The following SP140L variants were observed in gnomAD, a reference collection of about 807,000 sequenced individuals.
SP140L encodes SP140 like nuclear body protein.
Under a neutral mutation model 84.3 loss-of-function variants are expected in SP140L, and 64 were observed. The observed-to-expected ratio is 0.76, with a 90% CI of 0.62 to 0.94. The LOEUF (loss-of-function observed/expected upper bound fraction) is 0.94. Among genes scored for constraint, SP140L ranks in the 40% least tolerant of loss-of-function variants. The probability of loss-of-function intolerance (pLI) is 0.00; values close to 1 mark genes in which losing one functional copy is unlikely to be tolerated. For synonymous variants in SP140L, 242 were observed against 236.9 expected (o/e 1.02, Z -0.20); for missense variants, 628 against 692.5 (o/e 0.91, Z 1.05).
At position 230,402,976 on chromosome 2, in the gene SP140L, TA is replaced by T; in HGVS notation, c.*81del. On this transcript the variant is annotated 3_prime_UTR_variant, in exon 19 of 19. Coordinates refer to ENST00000415673, the MANE Select transcript of SP140L (RefSeq NM_138402.6). ...CTTCAAACTGAGAGCACTTGGGAAA[TA>T]GCACATGCAGGGAGAGGCTTTTCTC... 1 of 1,154,812 alleles carries T rather than the reference TA, an allele frequency of 8.7e-7. No individual in the cohort carries two copies. Among genetic ancestry groups the T allele is most frequent in the Non-Finnish European group, 1.3e-6 (1 of 799,090 alleles). The allele number at this position is 1,154,812 out of a possible 1,614,324, so 71.5% of individuals were successfully genotyped here.
Position 230,327,245 on chromosome 2 carries a change from C to T in SP140L, c.-25C>T. 1 of 1,605,986 alleles carries T rather than the reference C, an allele frequency of 6.2e-7. No individual in the cohort carries two copies. Among genetic ancestry groups the T allele is most frequent in the Non-Finnish European group, 8.5e-7 (1 of 1,176,182 alleles). ...GGAGCTCATAGGCCAGGCTCTGACA[C>T]CCAGGCAGGGCCTAGGGTGGGACGA... On this transcript the variant is annotated 5_prime_UTR_variant, in exon 1 of 19. Coordinates refer to ENST00000415673, the MANE Select transcript of SP140L (RefSeq NM_138402.6).
At chr2:230,360,480 A>G (rs1246765813) in intron 4 of SP140L, among the ~76,000 whole-genome samples, 1 of 152,216 alleles carries the variant, frequency 6.6e-6, no homozygotes, top group Admixed American at 6.5e-5. Context: ...TTTTTGTAAC[A>G]AGTCATTCAA....
At chr2:230,352,033 C>T (rs1039616566) in intron 2 of SP140L, among the ~76,000 whole-genome samples, 2 of 152,108 alleles carry the variant, frequency 1.3e-5, no homozygotes, top group Admixed American at 6.5e-5. Context: ...AAAATTACTA[C>T]TTTTTTTCTA....
At chr2:230,364,949 T>C (rs2060822752) in intron 5 of SP140L, among the ~76,000 whole-genome samples, 1 of 152,108 alleles carries the variant, frequency 6.6e-6, no homozygotes, top group Admixed American at 6.5e-5. Context: ...CTTTTAAGAT[T>C]TGTGTGTTGA....
intron 1 of SP140L, 76 bp from the exon 2 acceptor site, chr2:230,328,681 C>T (rs2059644711): frequency 5.2e-6 from 8 of 1,550,942 alleles, no homozygotes; most frequent in African/African-American, 2.7e-5. Context: ...GTGCCTAAAC[C>T]TTAAAAAGTG....
chr2:230,336,010 C>G (rs1291928788), intron 2 of SP140L, among the ~76,000 whole-genome samples: 2 of 152,160 alleles, frequency 1.3e-5, no homozygotes, highest in Non-Finnish European at 2.9e-5. Flanking sequence ...GGCCAGGACT[C>G]ACATACTATA....
At chr2:230,341,708 A>G (rs574175723) in intron 2 of SP140L, among the ~76,000 whole-genome samples, 8 of 151,752 alleles carry the variant, frequency 5.3e-5, no homozygotes, top group Admixed American at 2.6e-4. Flanking sequence ...TTTCCTTCTA[A>G]CAGAGAGGAC....
At chr2:230,363,241 G>A (rs528803418) in intron 5 of SP140L, among the ~76,000 whole-genome samples, 7 of 152,112 alleles carry the variant, frequency 4.6e-5, no homozygotes, top group Non-Finnish European at 8.8e-5. Context: ...AGGAAACTCC[G>A]TACTGTTTTC....
At position 230,403,566 on chromosome 2, in the gene SP140L, A is replaced by G. The variant is rs1329403032; in HGVS notation, c.*670A>G. 4 of 150,648 alleles carry G rather than the reference A, an allele frequency of 2.7e-5. No homozygotes were observed. The East Asian group carries it at 7.8e-4, about 30-fold the overall frequency. The allele number at this position is 150,648 out of a possible 1,614,324, so 9.3% of individuals were successfully genotyped here. ...TATTCACGACACACTTCTTCCCTTC[A>G]CTCTCCCACTTCTGTGGTCAACTCC... On this transcript the variant is annotated 3_prime_UTR_variant, in exon 19 of 19. Transcript: ENST00000415673.
At chr2:230,384,151 G>T (rs2061494126) in intron 8 of SP140L, among the ~76,000 whole-genome samples, 1 of 151,772 alleles carries the variant, frequency 6.6e-6, no homozygotes, top group Non-Finnish European at 1.5e-5. Context: ...TTTTATTTGT[G>T]GTATTTAAGT....
chr2:230,386,356 T>C (rs2061581090), intron 9 of SP140L, among the ~76,000 whole-genome samples: 1 of 152,212 alleles, frequency 6.6e-6, no homozygotes, highest in Non-Finnish European at 1.5e-5. Context: ...TTCTACTTGG[T>C]ACTTATTGGA....
intron 2 of SP140L, among the ~76,000 whole-genome samples, chr2:230,346,543 T>G (rs1411258683): frequency 6.6e-6 from 1 of 152,042 alleles, no homozygotes; most frequent in Non-Finnish European, 1.5e-5. Context: ...TGGTGTCCCA[T>G]AAACACAATA....
At chr2:230,361,541 A>G (rs1286553875) in intron 4 of SP140L, 73 bp from the exon 5 acceptor site, 1 of 1,210,806 alleles carries the variant, frequency 8.3e-7, no homozygotes, top group African/African-American at 1.5e-5. Context: ...GAAATTCCTA[A>G]AAGCCAATTT....
In SP140L at chr2:230,357,895, T is replaced by G. The variant is rs1212233208; in HGVS notation, c.198T>G (p.Asn66Lys). The G allele has an allele frequency of 6.2e-7, 1 of 1,613,942 alleles. No homozygotes were observed. Among genetic ancestry groups the G allele is most frequent in the East Asian group, 2.2e-5 (1 of 44,886 alleles). Residue 66 changes from asparagine to lysine, a missense_variant, in exon 3 of 19, where the codon AAT (asparagine) becomes AAG (lysine). Physicochemically the swap from Asn to Lys is moderately conservative, Grantham distance 94. Transcript: ENST00000415673. ...AAAGACATAAGCTGGAGATATCAAA[T>G]GCAATAAAAAAGACATTTCCATTCC... ...HFKRHKLEIS[N>K]AIKKTFPFLE... is the part of the protein sequence containing the mutation.
intron 3 of SP140L, 131 bp downstream of exon 3, chr2:230,358,098 A>T: frequency 9.2e-7 from 1 of 1,088,262 alleles, no homozygotes; most frequent in Non-Finnish European, 1.3e-6. Context: ...CTTCCAGCTG[A>T]GGAAATGGTG....
intron 12 of SP140L, among the ~76,000 whole-genome samples, chr2:230,392,671 G>A (rs2061871655): frequency 6.6e-6 from 1 of 152,182 alleles, no homozygotes; most frequent in Non-Finnish European, 1.5e-5. Context: ...TCAGCAACTG[G>A]GGTTGTCTGT....
At chr2:230,355,358 A>G (rs569924593) in intron 2 of SP140L, among the ~76,000 whole-genome samples, 1 of 152,302 alleles carries the variant, frequency 6.6e-6, no homozygotes, top group South Asian at 2.1e-4. Context: ...ACCAGAGAGA[A>G]TAAAATAACT....
rs2061736075 is a variant in SP140L at position 230,390,024 on chromosome 2, G to A, written c.964+1G>A. 1.9e-6 allele frequency: 3 copies of A among 1,612,504 alleles called. No individual in the cohort carries two copies. The highest frequency in any genetic ancestry group is 2.2e-5 in the South Asian group (2 of 90,936). ...TTACATAAGGAGAAATTGGAACAAGGTGGGTTTCATAGTCTTCTTTAATTT... is the reference window on the plus strand; with the variant it reads ...TTACATAAGGAGAAATTGGAACAAGATGGGTTTCATAGTCTTCTTTAATTT... On this transcript the variant is annotated splice_donor_variant, in intron 11 of 18. Transcript: ENST00000415673. LOFTEE classifies it high-confidence loss of function.
chr2:230,400,467 G>T (rs1339272752), intron 15 of SP140L: 4 of 547,510 alleles, frequency 7.3e-6, no homozygotes, highest in Non-Finnish European at 9.8e-6. Context: ...TGAGGCCAGT[G>T]TTGGGGACCT....
Sources: gnomAD v4.1 joint callset for allele counts (sites outside exome capture counted in the v4.1 genomes callset) on GRCh38, gnomAD v4.1.1 for gene constraint, MANE v1.5 for transcripts, NCBI Gene and HGNC (gene_info 2026-07-23, HGNC 2026-07-21) for gene names.